AMZ2: variants seen among roughly 807,000 people sequenced by gnomAD.
AMZ2 encodes archaemetzincin-2.
AMZ2 carries 26 observed loss-of-function variants against 36.7 expected under a neutral mutation model. The observed-to-expected ratio is 0.71, with a 90% CI of 0.52 to 0.98. The LOEUF (loss-of-function observed/expected upper bound fraction) is 0.98. AMZ2 is among the 50% of genes least tolerant of loss of function. The probability of loss-of-function intolerance (pLI) is 0.00; values close to 1 mark genes in which losing one functional copy is unlikely to be tolerated. For missense variants in AMZ2, 394 were observed against 430.5 expected (o/e 0.92, Z 0.75); for synonymous variants, 144 against 149.1 (o/e 0.97, Z 0.25).
At chr17:68,218,142 G>A (rs1412182999) in intron 1 of AMZ2, among the ~76,000 whole-genome samples, 1 of 152,204 alleles carries the variant, frequency 6.6e-6, no homozygotes, top group East Asian at 1.9e-4. Context: ...TGAATTTATG[G>A]TCCACCTGAG....
upstream of AMZ2, chr17:68,247,839 G>T (rs16972842): frequency 5.1e-6 from 5 of 985,524 alleles, no homozygotes; most frequent in Non-Finnish European, 6.0e-6. Context: ...GACAGCTGGG[G>T]CTTGTAGTCC....
chr17:68,214,062 G>A (rs1314373991), intron 1 of AMZ2, among the ~76,000 whole-genome samples: 28 of 149,624 alleles, frequency 1.9e-4, no homozygotes, highest in African/African-American at 6.9e-4. Context: ...TCTGTGCATG[G>A]TCTGTTTCTT....
upstream of AMZ2, chr17:68,247,903 C>G: frequency 1.0e-6 from 1 of 985,594 alleles, no homozygotes; most frequent in Non-Finnish European, 1.2e-6. Context: ...AACTCCAGCT[C>G]TGCGCCTGCC....
intron 1 of AMZ2, among the ~76,000 whole-genome samples, chr17:68,215,023 A>G (rs1442896444): frequency 2.0e-5 from 3 of 152,316 alleles, no homozygotes; most frequent in Middle Eastern, 3.4e-3. Context: ...AGCTCAAGCC[A>G]TCTGCCCTCC....
intron 1 of AMZ2, among the ~76,000 whole-genome samples, chr17:68,226,086 C>G (rs1486342980): frequency 6.6e-6 from 1 of 152,034 alleles, no homozygotes; most frequent in Non-Finnish European, 1.5e-5. Flanking sequence ...CTGCCGGACC[C>G]GTAAGGAGGA....
rs782538677 is a variant in AMZ2 at position 68,251,151 on chromosome 17, G to C, written c.559G>C (p.Val187Leu). 1.9e-6 allele frequency: 3 copies of C among 1,613,732 alleles called. No homozygotes were observed. In the South Asian group the frequency reaches 3.3e-5, roughly 18 times the overall value. ...TTACCCAAGAGACTCGTGGAATTTT[G>C]TCTTTGGACAGGCCTCTTTGACAGA... Reference protein sequence around the residue: ...DLYPRDSWNFVFGQASLTDGV... With the variant: ...DLYPRDSWNFLFGQASLTDGV... Residue 187 changes from valine to leucine, a missense_variant, in exon 4 of 7, where the codon GTC (valine) becomes CTC (leucine). Physicochemically the swap from Val to Leu is conservative, Grantham distance 32. Transcript: ENST00000359904.
At chr17:68,229,649 CTG>C (rs1555730742) in intron 1 of AMZ2, among the ~76,000 whole-genome samples, 1 of 152,248 alleles carries the variant, frequency 6.6e-6, no homozygotes, top group African/African-American at 2.4e-5. Flanking sequence ...TGTTCCCTGT[CTG>C]GGGAGCATCA....
At chr17:68,217,399 C>A (rs12603275) in intron 1 of AMZ2, among the ~76,000 whole-genome samples, 21,665 of 152,078 alleles carry the variant, frequency 0.14, 1,670 homozygotes, top group East Asian at 0.26. Flanking sequence ...TTTTTTGATG[C>A]ATAATAAAGT....
intron 1 of AMZ2, among the ~76,000 whole-genome samples, chr17:68,211,732 ATATATG>A (rs1568339868): frequency 2.8e-4 from 32 of 112,662 alleles, no homozygotes; most frequent in Admixed American, 1.6e-3. Flanking sequence ...ATGTATATGT[ATATATG>A]TGTATATGTA....
At chr17:68,233,486 C>T (rs1317414475) in intron 1 of AMZ2, among the ~76,000 whole-genome samples, 4 of 145,240 alleles carry the variant, frequency 2.8e-5, no homozygotes, top group South Asian at 4.3e-4. Context: ...TCTAACCTGC[C>T]GACAAGAGCG....
upstream of AMZ2, among the ~76,000 whole-genome samples, chr17:68,244,757 T>G (rs1470071796): frequency 6.6e-6 from 1 of 152,258 alleles, no homozygotes; most frequent in Non-Finnish European, 1.5e-5. Flanking sequence ...GCCACTTTTC[T>G]TTTAGCTAGA....
At chr17:68,220,343 T>A (rs1263276779) in intron 1 of AMZ2, among the ~76,000 whole-genome samples, 12 of 150,916 alleles carry the variant, frequency 8.0e-5, no homozygotes, top group African/African-American at 2.9e-4. Context: ...TTTACAAGAG[T>A]TCACCTACTG....
At chr17:68,209,374 A>G (rs1405544674) in intron 1 of AMZ2, among the ~76,000 whole-genome samples, 2 of 151,384 alleles carry the variant, frequency 1.3e-5, no homozygotes, top group African/African-American at 4.9e-5. Flanking sequence ...TTGTGTTTTT[A>G]GTAGAGATGG....
intron 1 of AMZ2, among the ~76,000 whole-genome samples, chr17:68,236,776 C>T (rs542756525): frequency 1.4e-4 from 22 of 151,910 alleles, no homozygotes; most frequent in Admixed American, 4.6e-4. Flanking sequence ...AGACGGGTTT[C>T]ACCATGTTGG....
At chr17:68,212,313 A>G (rs1372475414) in intron 1 of AMZ2, among the ~76,000 whole-genome samples, 1 of 152,212 alleles carries the variant, frequency 6.6e-6, no homozygotes, top group Non-Finnish European at 1.5e-5. Flanking sequence ...CAGAGGTTGC[A>G]GTGAGCCAAG....
At chr17:68,224,523 G>A (rs1829315428) in intron 1 of AMZ2, among the ~76,000 whole-genome samples, 1 of 150,886 alleles carries the variant, frequency 6.6e-6, no homozygotes, top group Non-Finnish European at 1.5e-5. Context: ...GCCAGGCATG[G>A]GATAGGAATT....
At chr17:68,241,117 T>G (rs1555733893) in intron 1 of AMZ2, among the ~76,000 whole-genome samples, 1 of 151,940 alleles carries the variant, frequency 6.6e-6, no homozygotes, top group East Asian at 1.9e-4. Flanking sequence ...AGTATAGATA[T>G]GAATGGGGAG....
rs1449657592 is a variant in AMZ2 at position 68,248,242 on chromosome 17, G to GCCGCGGGGT, written c.-453_-445dup. ...TGTAGGAGGGGCGGACGTGGCGGAA[G>GCCGCGGGGT]CCGCGGGGTCCGCGGGGTCGGTGCC... On this transcript the variant is annotated 5_prime_UTR_variant, in exon 1 of 7. Coordinates refer to ENST00000359904, the MANE Select transcript of AMZ2 (RefSeq NM_016627.5). 7.8e-5 allele frequency: 77 copies of GCCGCGGGGT among 985,972 alleles called. No individual in the cohort carries two copies. In the Middle Eastern group the frequency reaches 3.7e-3, roughly 47 times the overall value. 61.1% of individuals were successfully genotyped at this position (985,972 alleles called of 1,614,324 possible). A position where few individuals can be genotyped will look rare whatever the true frequency, so the allele number is the denominator to read the frequency against.
In AMZ2 at chr17:68,248,344, C is replaced by G; in HGVS notation, c.-362C>G. On this transcript the variant is annotated 5_prime_UTR_variant, in exon 1 of 7. Coordinates refer to ENST00000359904, the MANE Select transcript of AMZ2 (RefSeq NM_016627.5). ...AGCGAGAGTCCCTGGGGAACCCCCA[C>G]TCCACTCCCAGCTGGAGACTGGGTT... 1 of 986,104 alleles carries G rather than the reference C, an allele frequency of 1.0e-6. No homozygotes were observed. Among genetic ancestry groups the G allele is most frequent in the Non-Finnish European group, 1.2e-6 (1 of 830,148 alleles). The allele number at this position is 986,104 out of a possible 1,614,324, so 61.1% of individuals were successfully genotyped here.
Sources: gnomAD v4.1 joint callset for allele counts (sites outside exome capture counted in the v4.1 genomes callset) on GRCh38, gnomAD v4.1.1 for gene constraint, MANE v1.5 for transcripts, NCBI Gene and HGNC (gene_info 2026-07-23, HGNC 2026-07-21) for gene names.